FSTL5: variants seen among roughly 807,000 people sequenced by gnomAD.
FSTL5 encodes follistatin like 5.
Under a neutral mutation model 89.1 loss-of-function variants are expected in FSTL5, and 62 were observed. The ratio of observed to expected loss-of-function variants is 0.70; its 90% CI spans 0.57 to 0.86. The LOEUF is 0.86. Ranked by LOEUF, FSTL5 falls within the 40% of genes least tolerant of loss-of-function variation. The pLI is 0.00. For synonymous variants in FSTL5, 383 were observed against 346.2 expected, an observed-to-expected ratio of 1.11 and a Z score of -1.18; for missense variants, 1,057 against 1,001.6, an observed-to-expected ratio of 1.06 and a Z score of -0.75.
intron 10 of FSTL5, among the ~76,000 whole-genome samples, chr4:161,535,001 C>T (rs937266513): frequency 4.6e-5 from 7 of 151,892 alleles, no homozygotes; most frequent in South Asian, 2.1e-4. Context: ...AATCATCTTG[C>T]GATAACTGGC....
chr4:161,588,767 G>A lies in FSTL5; in HGVS notation c.895-1192C>T, dbSNP rs116749887. Among the ~76,000 whole-genome samples, 986 of 152,172 alleles carry A rather than the reference G, an allele frequency of 6.5e-3. 7 individuals carry two copies. The highest frequency in any genetic ancestry group is 0.022 in the African/African-American group (917 of 41,510). ...CAACAGCTCTCCACAGCTGCATGGT[G>A]GCCTTGAACCAGCCTCCTTAAAACT... On this transcript the variant is annotated intron_variant, in intron 7 of 15. Coordinates refer to ENST00000306100, the MANE Select transcript of FSTL5 (RefSeq NM_020116.5).
intron 8 of FSTL5, among the ~76,000 whole-genome samples, chr4:161,546,721 T>C (rs1330456432): frequency 6.6e-6 from 1 of 152,024 alleles, no homozygotes; most frequent in Non-Finnish European, 1.5e-5. Flanking sequence ...TTAATTTATT[T>C]AAAAACTTTT....
At chr4:161,865,690 T>C (rs1273469241) in intron 4 of FSTL5, among the ~76,000 whole-genome samples, 5 of 151,940 alleles carry the variant, frequency 3.3e-5, no homozygotes, top group Non-Finnish European at 5.9e-5. Flanking sequence ...TGCCTTGATT[T>C]TAATTACAGT....
At position 161,469,353 on chromosome 4, in the gene FSTL5, T is replaced by C. The variant is rs535580282; in HGVS notation, c.1609-10034A>G. Reference sequence around the variant, plus strand: ...CACTTGAGTTACTTCCACATGATAATTCTACTTTTAATTTTTTAAATAACC... The same window carrying C: ...CACTTGAGTTACTTCCACATGATAACTCTACTTTTAATTTTTTAAATAACC... On this transcript the variant is annotated intron_variant, in intron 13 of 15. Transcript: ENST00000306100. 2.0e-4 allele frequency among the ~76,000 whole-genome samples: 30 copies of C among 152,302 alleles called. No homozygotes were observed. In the East Asian group the frequency reaches 5.4e-3, roughly 27 times the overall value.
intron 15 of FSTL5, among the ~76,000 whole-genome samples, chr4:161,433,743 T>C (rs541589492): frequency 4.6e-5 from 7 of 152,148 alleles, no homozygotes; most frequent in Middle Eastern, 3.4e-3. Flanking sequence ...ACAAAATCAG[T>C]AGCATTTGTA....
chr4:161,980,102 GAGGA>G (rs1427433184), intron 3 of FSTL5, among the ~76,000 whole-genome samples: 2 of 148,750 alleles, frequency 1.3e-5, no homozygotes, highest in African/African-American at 2.5e-5. Flanking sequence ...GAAAAAGAAA[GAGGA>G]AGGAAGGAGA....
intron 3 of FSTL5, among the ~76,000 whole-genome samples, chr4:161,929,960 C>T (rs996630181): frequency 4.6e-5 from 7 of 151,532 alleles, no homozygotes; most frequent in African/African-American, 1.7e-4. Context: ...ATTTTTACTC[C>T]ACATTTTCTT....
chr4:161,499,947 T>G (rs1730238073), intron 12 of FSTL5, 69 bp downstream of exon 12: 1 of 879,902 alleles, frequency 1.1e-6, no homozygotes, highest in Non-Finnish European at 1.9e-6. Flanking sequence ...TTTTGTTATA[T>G]TTCCAAAACG....
At chr4:161,730,524 A>G (rs1375741619) in intron 6 of FSTL5, among the ~76,000 whole-genome samples, 4 of 152,144 alleles carry the variant, frequency 2.6e-5, no homozygotes, top group Non-Finnish European at 5.9e-5. Context: ...TTTATTGAAC[A>G]CATCAAGATT....
intron 8 of FSTL5, among the ~76,000 whole-genome samples, chr4:161,580,523 G>A (rs138843500): frequency 3.1e-4 from 47 of 152,256 alleles, no homozygotes; most frequent in Admixed American, 7.2e-4. Flanking sequence ...AAAGTTCAAA[G>A]AAGAAGGGGG....
chr4:162,100,140 C>T (rs987457328), intron 2 of FSTL5, among the ~76,000 whole-genome samples: 1 of 152,170 alleles, frequency 6.6e-6, no homozygotes, highest in African/African-American at 2.4e-5. Context: ...CAGTTTTATT[C>T]ATAATTGCCA....
chr4:161,504,178 T>C (rs1350982491), intron 11 of FSTL5, among the ~76,000 whole-genome samples: 1 of 152,006 alleles, frequency 6.6e-6, no homozygotes, highest in African/African-American at 2.4e-5. Context: ...ATTAGGGCTA[T>C]TTTAACAAGT....
intron 10 of FSTL5, among the ~76,000 whole-genome samples, chr4:161,526,805 T>A (rs1047670986): frequency 6.6e-6 from 1 of 152,204 alleles, no homozygotes; most frequent in Admixed American, 6.5e-5. Flanking sequence ...CATTGATCTA[T>A]ATCTCTGTTT....
chr4:161,434,382 C>G (rs1485880777), intron 15 of FSTL5, among the ~76,000 whole-genome samples: 1 of 152,092 alleles, frequency 6.6e-6, no homozygotes, highest in Non-Finnish European at 1.5e-5. Flanking sequence ...AGACCCCCAT[C>G]TCTTGCCATA....
At chr4:162,094,291 G>T (rs1730663651) in intron 2 of FSTL5, among the ~76,000 whole-genome samples, 1 of 152,118 alleles carries the variant, frequency 6.6e-6, no homozygotes, top group South Asian at 2.1e-4. Flanking sequence ...GGAGGCTGAG[G>T]CAGGAGAATC....
At chr4:161,491,854 A>AG (rs201923596) in intron 12 of FSTL5, among the ~76,000 whole-genome samples, 10,093 of 150,890 alleles carry the variant, frequency 0.067, 1,082 homozygotes, top group African/African-American at 0.23. Context: ...AAAAAAAAAA[A>AG]AGAGAGAGAG....
chr4:162,055,193 A>T (rs930546488), intron 2 of FSTL5, among the ~76,000 whole-genome samples: 3 of 151,836 alleles, frequency 2.0e-5, no homozygotes, highest in African/African-American at 7.3e-5. Flanking sequence ...CTTCTTTTTC[A>T]TCTACTTTGT....
intron 4 of FSTL5, among the ~76,000 whole-genome samples, chr4:161,788,182 T>A (rs1480756323): frequency 6.6e-6 from 1 of 152,222 alleles, no homozygotes; most frequent in Non-Finnish European, 1.5e-5. Flanking sequence ...TTTCAATGCA[T>A]ATATACATTG....
intron 11 of FSTL5, among the ~76,000 whole-genome samples, chr4:161,502,285 A>C (rs995645409): frequency 6.6e-6 from 1 of 151,888 alleles, no homozygotes; most frequent in African/African-American, 2.4e-5. Context: ...TTTGTGAGCT[A>C]TATTTTCCAC....
Sources: gnomAD v4.1 joint callset for allele counts (sites outside exome capture counted in the v4.1 genomes callset) on GRCh38, gnomAD v4.1.1 for gene constraint, MANE v1.5 for transcripts, NCBI Gene and HGNC (gene_info 2026-07-23, HGNC 2026-07-21) for gene names.